The following SDK1 variants were observed in gnomAD, a reference collection of about 807,000 sequenced individuals.
SDK1 encodes protein sidekick-1.
SDK1 carries 157 observed loss-of-function variants against 245.5 expected under a neutral mutation model. The ratio of observed to expected loss-of-function variants is 0.64; its 90% CI spans 0.56 to 0.73. The LOEUF is 0.73. SDK1 is among the 30% of genes least tolerant of loss of function. SDK1 has a pLI of 0.00. For synonymous variants in SDK1, 1,647 were observed against 1,278.5 expected (o/e 1.29, Z -6.15); for missense variants, 3,583 against 3,002.3 (o/e 1.19, Z -4.52).
chr7:4,237,989 A>G (rs927718003), intron 42 of SDK1, among the ~76,000 whole-genome samples: 1 of 151,850 alleles, frequency 6.6e-6, no homozygotes, highest in South Asian at 2.1e-4. Flanking sequence ...CCAGATGCTG[A>G]CCCTGCCTGC....
chr7:3,812,993 G>C (rs79318076), intron 4 of SDK1, among the ~76,000 whole-genome samples: 1 of 152,284 alleles, frequency 6.6e-6, no homozygotes, highest in East Asian at 1.9e-4. Context: ...ATGGTCAGCA[G>C]CAAGTGTTTG....
chr7:4,077,275 G>A (rs1584043903), intron 21 of SDK1, 86 bp downstream of exon 21: 3 of 1,326,870 alleles, frequency 2.3e-6, no homozygotes, highest in Non-Finnish European at 1.0e-6. Context: ...CTTTGGTGTG[G>A]AAGCCACTGA....
intron 19 of SDK1, among the ~76,000 whole-genome samples, chr7:4,058,084 A>C (rs921154546): frequency 3.3e-5 from 5 of 152,168 alleles, no homozygotes; most frequent in Admixed American, 3.3e-4. Context: ...AAATCCCAGA[A>C]AAAAAATAAA....
chr7:4,175,414 C>G (rs994772460), intron 33 of SDK1, among the ~76,000 whole-genome samples: 13 of 152,340 alleles, frequency 8.5e-5, no homozygotes, highest in African/African-American at 2.9e-4. Flanking sequence ...AGCCGGGGCT[C>G]CCTGCGTGAG....
chr7:3,798,216 T>A (rs1779013850), intron 4 of SDK1, among the ~76,000 whole-genome samples: 1 of 141,610 alleles, frequency 7.1e-6, no homozygotes, highest in Non-Finnish European at 1.5e-5. Context: ...GCACTCTTTT[T>A]TTTTTTTTTT....
chr7:3,949,925 G>T (rs1020520142), intron 5 of SDK1, among the ~76,000 whole-genome samples: 11 of 152,200 alleles, frequency 7.2e-5, no homozygotes, highest in Admixed American at 3.3e-4. Context: ...ATTTGGACAG[G>T]AGTAAGAATG....
chr7:3,376,778 C>G (rs1490022326), intron 1 of SDK1, among the ~76,000 whole-genome samples: 1 of 152,114 alleles, frequency 6.6e-6, no homozygotes, highest in African/African-American at 2.4e-5. Flanking sequence ...CGGACACACA[C>G]AGAAAGATGT....
intron 5 of SDK1, among the ~76,000 whole-genome samples, chr7:3,937,610 T>G (rs1431021325): frequency 6.6e-6 from 1 of 152,234 alleles, no homozygotes; most frequent in Non-Finnish European, 1.5e-5. Context: ...CCACTCTGCC[T>G]AGCAGCCTCT....
intron 43 of SDK1, among the ~76,000 whole-genome samples, chr7:4,244,830 C>A (rs537412107): frequency 2.6e-5 from 4 of 152,206 alleles, no homozygotes; most frequent in Non-Finnish European, 5.9e-5. Flanking sequence ...GCCCCAGCCT[C>A]TTCTTGGCCC....
intron 1 of SDK1, among the ~76,000 whole-genome samples, chr7:3,573,690 G>A (rs1204896932): frequency 2.6e-5 from 4 of 151,946 alleles, no homozygotes; most frequent in Non-Finnish European, 5.9e-5. Flanking sequence ...TTAGCTCAGG[G>A]CCAACACTAA....
chr7:3,776,560 AATGAAGATAGTATGTGAATATGT>A, intron 4 of SDK1, among the ~76,000 whole-genome samples: 1 of 152,330 alleles, frequency 6.6e-6, no homozygotes, highest in Admixed American at 6.5e-5. Context: ...GTGAGGCGTA[AATGAAGATAGTATGTGAATATGT>A]ATAAACCACT....
At chr7:3,605,979 A>G (rs1256130983) in intron 1 of SDK1, among the ~76,000 whole-genome samples, 1 of 152,154 alleles carries the variant, frequency 6.6e-6, no homozygotes, top group Non-Finnish European at 1.5e-5. Flanking sequence ...CTTTTGAAAG[A>G]TATTAATTTC....
At chr7:4,217,508 C>CACCAGGCCACCCGGAGA (rs1562446298) in intron 38 of SDK1, among the ~76,000 whole-genome samples, 2,202 of 50,262 alleles carry the variant, frequency 0.044, 535 homozygotes, top group African/African-American at 0.076. Flanking sequence ...CCACCCGGAG[C>CACCAGGCCACCCGGAGA]ACCACACCAC....
In SDK1 at chr7:3,382,719, A is replaced by T. The variant is rs370243416; in HGVS notation, c.298+80835A>T. ...GGCAAAATTATATTTTGAGGAAACG[A>T]TTAGAAATATTGGCAAAACATAGAG... On this transcript the variant is annotated intron_variant, in intron 1 of 44. Transcript: ENST00000404826. Among the ~76,000 whole-genome samples, 145 of 152,312 alleles carry T rather than the reference A, an allele frequency of 9.5e-4. 1 individual carries two copies. Among genetic ancestry groups the T allele is most frequent in the African/African-American group, 3.3e-3 (137 of 41,564 alleles).
Position 4,268,966 on chromosome 7 carries a change from C to T in SDK1, c.*3582C>T, listed in dbSNP as rs1788642059. On this transcript the variant is annotated 3_prime_UTR_variant, in exon 45 of 45. Coordinates refer to ENST00000404826, the MANE Select transcript of SDK1 (RefSeq NM_152744.4). ...GGAAGACAGAGAGGTGCTATGGGTA[C>T]AATTTTTAATAAAAACATTATTTTG... The T allele has an allele frequency of 3.5e-6, 1 of 283,868 alleles. No homozygotes were observed. Among genetic ancestry groups the T allele is most frequent in the Non-Finnish European group, 7.1e-6 (1 of 139,984 alleles). The allele number at this position is 283,868 out of a possible 1,614,324, so 17.6% of individuals were successfully genotyped here.
chr7:3,880,066 A>C (rs1000091578), intron 5 of SDK1, among the ~76,000 whole-genome samples: 1 of 152,284 alleles, frequency 6.6e-6, no homozygotes, highest in Middle Eastern at 3.4e-3. Context: ...TGCCGCCTTA[A>C]TCCTGGATGC....
intron 14 of SDK1, among the ~76,000 whole-genome samples, chr7:3,989,587 G>A (rs548681178): frequency 5.3e-5 from 8 of 152,146 alleles, no homozygotes; most frequent in Non-Finnish European, 1.0e-4. Context: ...TGTTCTAAAC[G>A]GGTCCCTGTT....
chr7:3,451,983 C>T (rs1177794248), intron 1 of SDK1, among the ~76,000 whole-genome samples: 1 of 152,112 alleles, frequency 6.6e-6, no homozygotes, highest in Non-Finnish European at 1.5e-5. Flanking sequence ...TTTTTGTATA[C>T]AGAAAACATA....
At chr7:3,306,754 A>G (rs375380957) in intron 1 of SDK1, among the ~76,000 whole-genome samples, 3 of 152,204 alleles carry the variant, frequency 2.0e-5, no homozygotes, top group African/African-American at 7.2e-5. Context: ...TATTGCTTGT[A>G]TTGGAATACA....
Sources: gnomAD v4.1 joint callset for allele counts (sites outside exome capture counted in the v4.1 genomes callset) on GRCh38, gnomAD v4.1.1 for gene constraint, MANE v1.5 for transcripts, NCBI Gene and HGNC (gene_info 2026-07-23, HGNC 2026-07-21) for gene names.